Variants in EPHA6 observed in about 807,000 individuals in gnomAD.
EPHA6 encodes ephrin type-A receptor 6.
Under a neutral mutation model 112.0 loss-of-function variants are expected in EPHA6, and 50 were observed. The observed-to-expected ratio is 0.45, with a 90% CI of 0.36 to 0.56. The LOEUF (loss-of-function observed/expected upper bound fraction) is 0.56. Among genes scored for constraint, EPHA6 ranks in the 20% least tolerant of loss-of-function variants. EPHA6 has a pLI of 0.00. For synonymous variants in EPHA6, 529 were observed against 490.7 expected (o/e 1.08, Z -1.03); for missense variants, 1,280 against 1,417.4 (o/e 0.90, Z 1.56).
Position 97,171,163 on chromosome 3 carries a change from T to G in EPHA6, c.1115-55101T>G, listed in dbSNP as rs529170704. Among the ~76,000 whole-genome samples the G allele has an allele frequency of 2.0e-5, 3 of 152,286 alleles. No individual in the cohort carries two copies. The South Asian group carries it at 6.2e-4, about 32-fold the overall frequency. On this transcript the variant is annotated intron_variant, in intron 3 of 17. Transcript: ENST00000389672. ...CAGATTTATGAGAGATGGACGGCATTGATTTCCCATGGAGTTGAGACAAAC... is the reference window on the plus strand; with the variant it reads ...CAGATTTATGAGAGATGGACGGCATGGATTTCCCATGGAGTTGAGACAAAC...
At chr3:96,859,354 A>T (rs1183302602) in intron 1 of EPHA6, among the ~76,000 whole-genome samples, 1 of 151,390 alleles carries the variant, frequency 6.6e-6, no homozygotes, top group Non-Finnish European at 1.5e-5. Flanking sequence ...AGGTTAGATT[A>T]CTAAAGTGTT....
At chr3:97,403,120 C>G (rs1200628770) in intron 5 of EPHA6, among the ~76,000 whole-genome samples, 1 of 151,942 alleles carries the variant, frequency 6.6e-6, no homozygotes, top group Non-Finnish European at 1.5e-5. Flanking sequence ...AGGAAAAAAT[C>G]TAGTTCTCAA....
intron 3 of EPHA6, among the ~76,000 whole-genome samples, chr3:97,100,021 T>A (rs375189319): frequency 6.6e-6 from 1 of 151,956 alleles, no homozygotes; most frequent in Non-Finnish European, 1.5e-5. Flanking sequence ...TGTATTTTTG[T>A]AGATAGCAAG....
chr3:97,017,796 A>G lies in EPHA6; in HGVS notation c.1114+29803A>G, dbSNP rs139319295. On this transcript the variant is annotated intron_variant, in intron 3 of 17. Coordinates refer to ENST00000389672, the MANE Select transcript of EPHA6 (RefSeq NM_001080448.3). Reference sequence around the variant, plus strand: ...TTGGGTTAAATCTGCTTGGTGTTCTATAACTTTATTGTATTTGGATATGGA... The same window carrying G: ...TTGGGTTAAATCTGCTTGGTGTTCTGTAACTTTATTGTATTTGGATATGGA... 6.3e-3 allele frequency among the ~76,000 whole-genome samples: 962 copies of G among 152,184 alleles called. 5 individuals carry two copies. The highest frequency in any genetic ancestry group is 0.01 in the Middle Eastern group (3 of 294).
At chr3:97,093,258 G>T (rs552212584) in intron 3 of EPHA6, among the ~76,000 whole-genome samples, 1 of 152,178 alleles carries the variant, frequency 6.6e-6, no homozygotes, top group African/African-American at 2.4e-5. Flanking sequence ...TGATTTAAAA[G>T]GGGAATAAAG....
intron 2 of EPHA6, among the ~76,000 whole-genome samples, chr3:96,958,222 G>A (rs929879699): frequency 1.1e-4 from 16 of 151,818 alleles, no homozygotes; most frequent in African/African-American, 3.4e-4. Flanking sequence ...CCCGGGAGGC[G>A]GAGGTTGCAG....
At chr3:97,668,701 G>A (rs762725467) in intron 14 of EPHA6, among the ~76,000 whole-genome samples, 10 of 151,788 alleles carry the variant, frequency 6.6e-5, no homozygotes, top group Non-Finnish European at 1.0e-4. Context: ...ATCACTTGAG[G>A]TCAGGAGTTT....
chr3:97,646,559 G>C (rs1032007267), intron 14 of EPHA6, among the ~76,000 whole-genome samples: 9 of 152,032 alleles, frequency 5.9e-5, no homozygotes, highest in African/African-American at 2.2e-4. Flanking sequence ...ATTCTTTGGA[G>C]GGCCAATTGT....
intron 6 of EPHA6, among the ~76,000 whole-genome samples, chr3:97,421,830 C>T (rs2088665286): frequency 6.6e-6 from 1 of 151,930 alleles, no homozygotes; most frequent in Non-Finnish European, 1.5e-5. Flanking sequence ...GGACCTTGAA[C>T]CTATGGCAGA....
At chr3:96,828,174 A>G (rs555139595) in intron 1 of EPHA6, among the ~76,000 whole-genome samples, 1 of 152,180 alleles carries the variant, frequency 6.6e-6, no homozygotes, top group African/African-American at 2.4e-5. Flanking sequence ...AAGATCTCCT[A>G]AACATATCAG....
chr3:97,553,727 A>G (rs972879652), intron 11 of EPHA6, among the ~76,000 whole-genome samples: 1 of 152,108 alleles, frequency 6.6e-6, no homozygotes, highest in East Asian at 1.9e-4. Flanking sequence ...GAGTCAAACC[A>G]TATCACATTG....
intron 2 of EPHA6, among the ~76,000 whole-genome samples, chr3:96,894,773 T>G (rs894282923): frequency 1.3e-5 from 2 of 151,972 alleles, no homozygotes; most frequent in Admixed American, 1.3e-4. Flanking sequence ...CCTGAGAAAT[T>G]GCTTAAGGAT....
chr3:96,832,360 A>C (rs1354050015), intron 1 of EPHA6, among the ~76,000 whole-genome samples: 1 of 152,090 alleles, frequency 6.6e-6, no homozygotes, highest in Admixed American at 6.6e-5. Context: ...TAATAAAATC[A>C]TGAAGCTAAA....
At chr3:96,876,818 G>A (rs913359217) in intron 2 of EPHA6, among the ~76,000 whole-genome samples, 2 of 151,568 alleles carry the variant, frequency 1.3e-5, no homozygotes, top group Non-Finnish European at 2.9e-5. Flanking sequence ...TTTTCCTATT[G>A]GTCTCTTAAG....
At chr3:97,358,141 A>G (rs1374066749) in intron 5 of EPHA6, among the ~76,000 whole-genome samples, 1 of 151,928 alleles carries the variant, frequency 6.6e-6, no homozygotes, top group Non-Finnish European at 1.5e-5. Flanking sequence ...TATTTTCCCT[A>G]TAGTAGTTTT....
intron 5 of EPHA6, among the ~76,000 whole-genome samples, chr3:97,260,768 T>G (rs975552378): frequency 2.0e-5 from 3 of 152,212 alleles, no homozygotes; most frequent in Non-Finnish European, 4.4e-5. Flanking sequence ...CTGCAGGGCA[T>G]TCAGTTATAA....
At chr3:97,152,453 T>C (rs940800772) in intron 3 of EPHA6, among the ~76,000 whole-genome samples, 2 of 149,626 alleles carry the variant, frequency 1.3e-5, no homozygotes, top group South Asian at 2.1e-4. Context: ...TTAAATATTT[T>C]ATATTAGTAA....
intron 2 of EPHA6, among the ~76,000 whole-genome samples, chr3:96,980,205 A>G (rs1317495571): frequency 6.6e-6 from 1 of 152,138 alleles, no homozygotes; most frequent in Non-Finnish European, 1.5e-5. Context: ...TAAGTCTTTA[A>G]TCCATCTTGA....
At chr3:96,878,224 TC>T (rs967993115) in intron 2 of EPHA6, among the ~76,000 whole-genome samples, 4 of 151,888 alleles carry the variant, frequency 2.6e-5, no homozygotes, top group African/African-American at 9.7e-5. Context: ...ATTATACTAA[TC>T]GTTTGGATGA....
Sources: allele counts gnomAD v4.1 joint callset (sites outside exome capture counted in the v4.1 genomes callset), GRCh38; gene constraint gnomAD v4.1.1; transcripts MANE v1.5; gene names NCBI Gene and HGNC (gene_info 2026-07-23, HGNC 2026-07-21).